Variants in TSHZ1 observed in about 807,000 individuals in gnomAD.
The protein encoded by TSHZ1 is teashirt zinc finger homeobox 1.
Under a neutral mutation model 67.1 loss-of-function variants are expected in TSHZ1, and 12 were observed. The ratio of observed to expected loss-of-function variants is 0.18; its 90% CI spans 0.11 to 0.29. The LOEUF (loss-of-function observed/expected upper bound fraction) is 0.29. Among genes scored for constraint, TSHZ1 ranks in the 10% least tolerant of loss-of-function variants. TSHZ1 has a pLI of 1.00. For synonymous variants in TSHZ1, 632 were observed against 622.4 expected, an observed-to-expected ratio of 1.02 and a Z score of -0.23; for missense variants, 1,305 against 1,413.9, an observed-to-expected ratio of 0.92 and a Z score of 1.23.
intron 1 of TSHZ1, among the ~76,000 whole-genome samples, chr18:75,224,122 C>T (rs971342816): frequency 1.4e-5 from 2 of 147,374 alleles, no homozygotes; most frequent in African/African-American, 5.0e-5. Flanking sequence ...GAAAATACCC[C>T]AAAACAAAAC....
chr18:75,247,333 G>T (rs192400757), intron 1 of TSHZ1, among the ~76,000 whole-genome samples: 10 of 152,286 alleles, frequency 6.6e-5, no homozygotes, highest in Non-Finnish European at 1.0e-4. Flanking sequence ...TGCCAGGGGG[G>T]GCTGTGCCTC....
At position 75,289,022 on chromosome 18, in the gene TSHZ1, C is replaced by A; in HGVS notation, c.*381C>A. 1 of 171,150 alleles carries A rather than the reference C, an allele frequency of 5.8e-6. No individual in the cohort carries two copies. The highest frequency in any genetic ancestry group is 1.4e-5 in the Non-Finnish European group (1 of 72,658). 10.6% of individuals were successfully genotyped at this position (171,150 alleles called of 1,614,324 possible). Reference sequence around the variant, plus strand: ...TAAAGGTCATAGAACCTGGTAGTGTCAAATTTAACCCTTTGAGGACTGTAA... The same window carrying A: ...TAAAGGTCATAGAACCTGGTAGTGTAAAATTTAACCCTTTGAGGACTGTAA... On this transcript the variant is annotated 3_prime_UTR_variant, in exon 2 of 2. Coordinates refer to ENST00000580243, the MANE Select transcript of TSHZ1 (RefSeq NM_001308210.2).
chr18:75,246,837 C>A (rs2023230733), intron 1 of TSHZ1, among the ~76,000 whole-genome samples: 1 of 151,794 alleles, frequency 6.6e-6, no homozygotes, highest in Non-Finnish European at 1.5e-5. Flanking sequence ...AGGTGAACTT[C>A]TGAAGGCTGC....
intron 1 of TSHZ1, among the ~76,000 whole-genome samples, chr18:75,216,444 G>C (rs1568350904): frequency 6.6e-6 from 1 of 152,160 alleles, no homozygotes. Flanking sequence ...ACTGGATCTG[G>C]GTAGGAAGTT....
chr18:75,239,420 A>C (rs1042283302), intron 1 of TSHZ1, among the ~76,000 whole-genome samples: 24 of 152,182 alleles, frequency 1.6e-4, no homozygotes, highest in African/African-American at 5.8e-4. Flanking sequence ...TAATTTGCAA[A>C]ATTAAATTTT....
chr18:75,273,358 T>C (rs1390218009), intron 1 of TSHZ1, among the ~76,000 whole-genome samples: 1 of 152,218 alleles, frequency 6.6e-6, no homozygotes, highest in Non-Finnish European at 1.5e-5. Flanking sequence ...TCAGAGCCAG[T>C]GTTATTAAGA....
chr18:75,218,168 T>C (rs2022797544), intron 1 of TSHZ1, among the ~76,000 whole-genome samples: 1 of 152,144 alleles, frequency 6.6e-6, no homozygotes, highest in Non-Finnish European at 1.5e-5. Flanking sequence ...AAAAAATATG[T>C]GCATAGGAAG....
chr18:75,272,055 C>A (rs1273280437), intron 1 of TSHZ1, among the ~76,000 whole-genome samples: 1 of 152,176 alleles, frequency 6.6e-6, no homozygotes, highest in African/African-American at 2.4e-5. Flanking sequence ...TTAAATACTT[C>A]CATTCCAATG....
At chr18:75,280,746 A>G (rs1477040203) in intron 1 of TSHZ1, 1 of 985,330 alleles carries the variant, frequency 1.0e-6, no homozygotes, top group East Asian at 1.1e-4. Flanking sequence ...TACTCAACCC[A>G]GAGGCGCAGG....
intron 1 of TSHZ1, among the ~76,000 whole-genome samples, chr18:75,238,067 C>G (rs2023102959): frequency 1.3e-5 from 2 of 152,300 alleles, no homozygotes; most frequent in Admixed American, 1.3e-4. Flanking sequence ...TCCCAAAGTG[C>G]TGGGATTACA....
Position 75,279,138 on chromosome 18 carries a change from G to A in TSHZ1, c.41-6310G>A, listed in dbSNP as rs7227805. ...TCGAGGGGGACAGGAGAGCTGCTTGGGGTCAGGAGGGCGGGTTCGGGCTAG... is the reference window on the plus strand; with the variant it reads ...TCGAGGGGGACAGGAGAGCTGCTTGAGGTCAGGAGGGCGGGTTCGGGCTAG... On this transcript the variant is annotated intron_variant, in intron 1 of 1. Transcript: ENST00000580243. Among the ~76,000 whole-genome samples the A allele has an allele frequency of 9.7e-3, 1,484 of 152,258 alleles. 21 individuals carry two copies. The highest frequency in any genetic ancestry group is 0.034 in the African/African-American group (1,394 of 41,540).
chr18:75,215,745 A>ATT (rs2022758039), intron 1 of TSHZ1, among the ~76,000 whole-genome samples: 2 of 152,260 alleles, frequency 1.3e-5, no homozygotes, highest in African/African-American at 2.4e-5. Flanking sequence ...CTGTGAAAAC[A>ATT]TGTAGTGTCT....
intron 1 of TSHZ1, among the ~76,000 whole-genome samples, chr18:75,274,654 G>C (rs1020190345): frequency 1.3e-5 from 2 of 152,148 alleles, no homozygotes; most frequent in African/African-American, 4.8e-5. Flanking sequence ...ACAAAGGATT[G>C]TCACAAATAA....
In TSHZ1 at chr18:75,233,891, G is replaced by T. The variant is rs149795947; in HGVS notation, c.40+21975G>T. ...CACTGGGTGGGAAGACTGTCTTTAT[G>T]CAGTGGTTTGGGAGGATTAATTAAT... On this transcript the variant is annotated intron_variant, in intron 1 of 1. Coordinates refer to ENST00000580243, the MANE Select transcript of TSHZ1 (RefSeq NM_001308210.2). Among the ~76,000 whole-genome samples the T allele has an allele frequency of 7.9e-5, 12 of 152,272 alleles. No homozygotes were observed. The East Asian group carries it at 1.9e-3, about 25-fold the overall frequency.
rs770865667 is a variant in TSHZ1 at position 75,286,073 on chromosome 18, G to T, written c.666G>T (p.Leu222=). Residue 222 remains leucine, a synonymous_variant, in exon 2 of 2, where the codon CTG becomes CTT. Coordinates refer to ENST00000580243, the MANE Select transcript of TSHZ1 (RefSeq NM_001308210.2). This position sits in a 1 kb window ranked among gnomAD's most constrained non-coding sequence, Gnocchi z 5.1. ...SSYGLLPEPS[L]FSTVQLYRQN... is the part of the protein sequence containing the mutation. The stretch of plus-strand genomic sequence containing the variant: ...ATGGGCTGCTTCCTGAGCCCAGCCT[G>T]TTCAGCACCGTGCAGCTCTACCGCC... The T allele has an allele frequency of 6.2e-7, 1 of 1,613,180 alleles. No individual in the cohort carries two copies. The highest frequency in any genetic ancestry group is 1.1e-5 in the South Asian group (1 of 91,008).
At chr18:75,265,184 G>GA (rs2023475909) in intron 1 of TSHZ1, among the ~76,000 whole-genome samples, 1 of 152,104 alleles carries the variant, frequency 6.6e-6, no homozygotes, top group South Asian at 2.1e-4. Flanking sequence ...AGCAAAAAAA[G>GA]AAAAAAGACT....
chr18:75,213,613 T>C (rs1208008830), intron 1 of TSHZ1, among the ~76,000 whole-genome samples: 1 of 150,128 alleles, frequency 6.7e-6, no homozygotes, highest in African/African-American at 2.5e-5. Context: ...ACTGCAACTT[T>C]AAATACCACA....
intron 1 of TSHZ1, chr18:75,284,475 C>A (rs36046989): frequency 0.03 from 4,644 of 152,306 alleles, 86 homozygotes; most frequent in East Asian, 0.073. Flanking sequence ...GCGTTAAGAA[C>A]GTTCATATTG....
intron 1 of TSHZ1, among the ~76,000 whole-genome samples, chr18:75,251,027 C>T (rs2023296765): frequency 6.6e-6 from 1 of 152,198 alleles, no homozygotes; most frequent in Non-Finnish European, 1.5e-5. Context: ...AGACCACACT[C>T]TCCTATTTTT....
Sources: allele counts gnomAD v4.1 joint callset (sites outside exome capture counted in the v4.1 genomes callset), GRCh38; gene constraint gnomAD v4.1.1; non-coding constraint Gnocchi (gnomAD v3.1); transcripts MANE v1.5; gene names NCBI Gene and HGNC (gene_info 2026-07-23, HGNC 2026-07-21).